CTIF: variants seen among roughly 807,000 people sequenced by gnomAD.
CTIF encodes cap binding complex dependent translation initiation factor, also known as CBP80/20-dependent translation initiation factor.
A neutral mutation model predicts 66.0 loss-of-function variants in CTIF; 21 were observed. The observed-to-expected ratio is 0.32, with a 90% CI of 0.23 to 0.46. The LOEUF (loss-of-function observed/expected upper bound fraction) is 0.46, where lower values mean the gene tolerates loss of function less well. Among genes scored for constraint, CTIF ranks in the 20% least tolerant of loss-of-function variants. The probability of loss-of-function intolerance (pLI) is 1.00; values close to 1 mark genes in which losing one functional copy is unlikely to be tolerated. For synonymous variants in CTIF, 345 were observed against 326.4 expected (o/e 1.06, Z -0.62); for missense variants, 739 against 812.7 (o/e 0.91, Z 1.10).
At chr18:48,803,072 A>T (rs925245475) in intron 9 of CTIF, among the ~76,000 whole-genome samples, 1 of 152,142 alleles carries the variant, frequency 6.6e-6, no homozygotes, top group South Asian at 2.1e-4. Flanking sequence ...CTCTGCTGCA[A>T]CCCAGCGCCA....
chr18:48,675,644 G>A (rs554339623), intron 6 of CTIF, among the ~76,000 whole-genome samples: 5 of 152,334 alleles, frequency 3.3e-5, no homozygotes, highest in African/African-American at 1.2e-4. Context: ...TAAGGTGTAG[G>A]GAAGCTCCTG....
At chr18:48,802,114 T>C (rs1433232058) in intron 9 of CTIF, among the ~76,000 whole-genome samples, 5 of 152,174 alleles carry the variant, frequency 3.3e-5, no homozygotes, top group African/African-American at 1.2e-4. Context: ...GGCCTGACAG[T>C]CACATGGTGA....
At chr18:48,780,292 T>C (rs1008834462) in intron 9 of CTIF, among the ~76,000 whole-genome samples, 4 of 152,200 alleles carry the variant, frequency 2.6e-5, no homozygotes, top group African/African-American at 9.7e-5. Context: ...TAGAAACCCT[T>C]CTAAGCTTTC....
intron 1 of CTIF, among the ~76,000 whole-genome samples, chr18:48,613,456 G>A (rs945097137): frequency 2.6e-5 from 4 of 152,178 alleles, no homozygotes; most frequent in Non-Finnish European, 5.9e-5. Flanking sequence ...AAGGGATGGG[G>A]AGGAAGGGGA....
In CTIF at chr18:48,619,638, G is replaced by T; in HGVS notation, c.73G>T (p.Glu25Ter). The T allele has an allele frequency of 6.2e-7, 1 of 1,606,118 alleles. No homozygotes were observed. The highest frequency in any genetic ancestry group is 8.5e-7 in the Non-Finnish European group (1 of 1,176,604). The change falls in exon 2 of 12, where the codon GAG becomes TAG. Residue 25 changes from glutamate (E) to a stop codon, truncating the protein, a stop_gained. Coordinates refer to ENST00000256413, the MANE Select transcript of CTIF (RefSeq NM_014772.3). LOFTEE classifies it high-confidence loss of function. ...SSRSQEIEEL[E>*]RFIDSYVLEY... The stretch of plus-strand genomic sequence containing the variant: ...CCGCTCCCAGGAGATCGAGGAGCTG[G>T]AGCGCTTCATCGACAGCTACGTGCT...
intron 9 of CTIF, among the ~76,000 whole-genome samples, chr18:48,795,942 G>C (rs769994909): frequency 3.1e-4 from 47 of 152,190 alleles, no homozygotes; most frequent in Non-Finnish European, 4.9e-4. Flanking sequence ...GGAAGTCACT[G>C]GAACTATAGG....
chr18:48,838,688 C>A (rs1483328480), intron 10 of CTIF, among the ~76,000 whole-genome samples: 1 of 152,204 alleles, frequency 6.6e-6, no homozygotes, highest in Non-Finnish European at 1.5e-5. Context: ...ACTGTGTTCA[C>A]CTTTACAGCC....
In CTIF at chr18:48,817,208, C is replaced by T. The variant is rs2068383067; in HGVS notation, c.1372-13C>T. The T allele has an allele frequency of 1.9e-6, 3 of 1,611,664 alleles. No homozygotes were observed. Among genetic ancestry groups the T allele is most frequent in the African/African-American group, 1.3e-5 (1 of 75,048 alleles). On this transcript the variant is annotated splice_polypyrimidine_tract_variant and intron_variant, in intron 9 of 11. Transcript: ENST00000256413. ...GCCCCGGGAGGCTGACGCGGTCTCT[C>T]ATGCCTCCACAGAAGGACTTCACGG...
In CTIF at chr18:48,813,900, G is replaced by C. The variant is rs185273749; in HGVS notation, c.1372-3321G>C. Among the ~76,000 whole-genome samples the C allele has an allele frequency of 3.3e-5, 5 of 152,286 alleles. No individual in the cohort carries two copies. In the East Asian group the frequency reaches 9.7e-4, roughly 29 times the overall value. ...CCGAATCTCCAAGGCCTGGAATAAG[G>C]GTGGTGCAGATGGGAGCTGCCTTAA... is the stretch of plus-strand genomic sequence containing the variant. On this transcript the variant is annotated intron_variant, in intron 9 of 11. Coordinates refer to ENST00000256413, the MANE Select transcript of CTIF (RefSeq NM_014772.3).
intron 3 of CTIF, among the ~76,000 whole-genome samples, chr18:48,658,607 A>G (rs895683708): frequency 4.6e-5 from 7 of 151,820 alleles, no homozygotes; most frequent in Non-Finnish European, 8.8e-5. Context: ...GTGTGTATGT[A>G]TGTGTGTCTG....
At chr18:48,600,351 A>C (rs1347001380) in intron 1 of CTIF, among the ~76,000 whole-genome samples, 1 of 152,008 alleles carries the variant, frequency 6.6e-6, no homozygotes, top group Admixed American at 6.5e-5. Flanking sequence ...TATGTGCTTC[A>C]TTTGTGTGTC....
rs191456668 is a variant in CTIF at position 48,863,117 on chromosome 18, G to T, written c.*3558G>T. 1.3e-5 allele frequency: 2 copies of T among 152,248 alleles called. No individual in the cohort carries two copies. Among genetic ancestry groups the T allele is most frequent in the Non-Finnish European group, 1.5e-5 (1 of 68,048 alleles). 9.4% of individuals were successfully genotyped at this position (152,248 alleles called of 1,614,324 possible). On this transcript the variant is annotated 3_prime_UTR_variant, in exon 12 of 12. Coordinates refer to ENST00000256413, the MANE Select transcript of CTIF (RefSeq NM_014772.3). ...CCCGCCAAAGCTGCCGCGGAACCCC[G>T]CTAGTGCGACCACCCTCCCTCCGTC...
chr18:48,730,618 CTCCTGCGGTGTGAGGGGCCCCTGTGGT>C, intron 7 of CTIF, among the ~76,000 whole-genome samples: 8 of 105,250 alleles, frequency 7.6e-5, no homozygotes, highest in Non-Finnish European at 1.2e-4. Context: ...GTGTGAGGGG[CTCCTGCGGTGTGAGGGGCCCCTGTGGT>C]GTGAGGGGCT....
At chr18:48,824,542 A>AT (rs1187308494) in intron 10 of CTIF, among the ~76,000 whole-genome samples, 1 of 151,742 alleles carries the variant, frequency 6.6e-6, no homozygotes, top group Non-Finnish European at 1.5e-5. Context: ...CTAGGTTATC[A>AT]TTGAATGCCT....
chr18:48,783,758 G>A (rs1911459641), intron 9 of CTIF, among the ~76,000 whole-genome samples: 1 of 152,110 alleles, frequency 6.6e-6, no homozygotes, highest in Admixed American at 6.5e-5. Context: ...GTCTGCCGCA[G>A]GCTGCCACCA....
intron 9 of CTIF, among the ~76,000 whole-genome samples, chr18:48,791,770 ATC>A (rs908550546): frequency 3.5e-4 from 53 of 152,036 alleles, no homozygotes; most frequent in African/African-American, 8.4e-4. Context: ...TCCCAGATTA[ATC>A]TCTCTCTCTC....
At chr18:48,716,990 G>A (rs1277344374) in intron 7 of CTIF, among the ~76,000 whole-genome samples, 1 of 152,192 alleles carries the variant, frequency 6.6e-6, no homozygotes, top group East Asian at 1.9e-4. Flanking sequence ...CTGGCGTGCG[G>A]AGTGGGCCAC....
At chr18:48,581,408 C>T (rs2089653767) in intron 1 of CTIF, among the ~76,000 whole-genome samples, 1 of 152,096 alleles carries the variant, frequency 6.6e-6, no homozygotes, top group Non-Finnish European at 1.5e-5. Context: ...TCTCTGGGTT[C>T]CAAGAGCTTT....
At chr18:48,800,268 C>T (rs1472642793) in intron 9 of CTIF, among the ~76,000 whole-genome samples, 4 of 152,220 alleles carry the variant, frequency 2.6e-5, no homozygotes, top group African/African-American at 9.6e-5. Context: ...AGTCCCCACA[C>T]TGCTGTTTTA....
Sources: allele counts gnomAD v4.1 joint callset (sites outside exome capture counted in the v4.1 genomes callset), GRCh38; gene constraint gnomAD v4.1.1; transcripts MANE v1.5; gene names NCBI Gene and HGNC (gene_info 2026-07-23, HGNC 2026-07-21).